The following PRLR variants were observed in gnomAD, a reference collection of about 807,000 sequenced individuals.
The protein encoded by PRLR is hPRL receptor.
A neutral mutation model predicts 40.2 loss-of-function variants in PRLR; 13 were observed. The ratio of observed to expected loss-of-function variants is 0.32; its 90% CI spans 0.21 to 0.51. PRLR has a LOEUF of 0.51. Among genes scored for constraint, PRLR ranks in the 20% least tolerant of loss-of-function variants. The probability of loss-of-function intolerance (pLI) is 0.97; values close to 1 mark genes in which losing one functional copy is unlikely to be tolerated. For synonymous variants in PRLR, 269 were observed against 278.7 expected, an observed-to-expected ratio of 0.97 and a Z score of 0.35; for missense variants, 656 against 747.3, an observed-to-expected ratio of 0.88 and a Z score of 1.42.
In PRLR at chr5:35,068,281, C is replaced by T; in HGVS notation, c.790G>A (p.Val264Met). 2 of 1,610,586 alleles carry T rather than the reference C, an allele frequency of 1.2e-6. No individual in the cohort carries two copies. The highest frequency in any genetic ancestry group is 1.7e-5 in the Admixed American group (1 of 60,010). The change falls in exon 9 of 10, where the codon GTG becomes ATG. Residue 264 changes from valine (V) to methionine (M), a missense_variant. Physicochemically the swap from Val to Met is conservative, Grantham distance 21. Around this residue, in one of 3 missense-constraint regions of PRLR, gnomAD observed 469 missense variants for 491.5 expected, o/e 0.95. Coordinates refer to ENST00000618457, the MANE Select transcript of PRLR (RefSeq NM_000949.7). ...GGAACTGGCGGAAAGATGCAGGTCA[C>T]CATGCTATAAAATAATTCATGAGAT... The part of the protein sequence containing the change: ...WAVALKGYSM[V>M]TCIFPPVPGP...
At position 35,056,620 on chromosome 5, in the gene PRLR, G is replaced by A. The variant is rs1426065155; in HGVS notation, c.*8469C>T. The stretch of plus-strand genomic sequence containing the variant: ...AATATTTAATTTCTGTTTTCTTTCC[G>A]GAAAGTATATTCAATGCTTTTGAAA... On this transcript the variant is annotated 3_prime_UTR_variant, in exon 10 of 10. Coordinates refer to ENST00000618457, the MANE Select transcript of PRLR (RefSeq NM_000949.7). 7 of 152,102 alleles carry A rather than the reference G, an allele frequency of 4.6e-5. No homozygotes were observed. The highest frequency in any genetic ancestry group is 1.7e-4 in the African/African-American group (7 of 41,422). 9.4% of individuals were successfully genotyped at this position (152,102 alleles called of 1,614,324 possible). A position where few individuals can be genotyped will look rare whatever the true frequency, so the allele number is the denominator to read the frequency against.
chr5:35,184,426 A>G (rs1484958651), intron 1 of PRLR, among the ~76,000 whole-genome samples: 1 of 152,168 alleles, frequency 6.6e-6, no homozygotes, highest in Non-Finnish European at 1.5e-5. Flanking sequence ...AGGCAGGAGA[A>G]TTGCTTGATC....
chr5:35,117,942 T>C (rs953361251), intron 2 of PRLR, 119 bp downstream of exon 2: 17 of 403,310 alleles, frequency 4.2e-5, no homozygotes, highest in African/African-American at 8.7e-5. Flanking sequence ...AGTGTAGACA[T>C]TGACTGGTTT....
intron 1 of PRLR, among the ~76,000 whole-genome samples, chr5:35,206,367 C>G (rs960327865): frequency 1.3e-5 from 2 of 151,896 alleles, no homozygotes; most frequent in Non-Finnish European, 2.9e-5. Context: ...TATAAAAAGA[C>G]AATAGTTATG....
At chr5:35,090,937 A>G (rs1219893084) in intron 2 of PRLR, among the ~76,000 whole-genome samples, 4 of 150,864 alleles carry the variant, frequency 2.7e-5, no homozygotes, top group African/African-American at 9.8e-5. Context: ...CGGCCTCCCG[A>G]GTAGCTGGGA....
intron 2 of PRLR, among the ~76,000 whole-genome samples, chr5:35,098,072 C>T (rs994456013): frequency 6.6e-6 from 1 of 152,178 alleles, no homozygotes; most frequent in Non-Finnish European, 1.5e-5. Context: ...CATATTCCTA[C>T]CCACTGTCAT....
rs115242347 is a variant in PRLR, at chr5:35,175,027, C to T, written c.-106+55241G>A. On this transcript the variant is annotated intron_variant, in intron 1 of 9. Coordinates refer to ENST00000618457, the MANE Select transcript of PRLR (RefSeq NM_000949.7). ...TGACTTAGCAAATGAAATTCCCATA[C>T]TTTTAGGTATCAGTTGTCTTGTAGA... Among the ~76,000 whole-genome samples the T allele has an allele frequency of 8.9e-3, 1,356 of 152,258 alleles. 25 individuals carry two copies. The highest frequency in any genetic ancestry group is 0.032 in the African/African-American group (1,312 of 41,554).
In PRLR at chr5:35,151,687, G is replaced by T. The variant is rs149395821; in HGVS notation, c.-105-33565C>A. ...ACCATAGAGCCAAGGCTCCTGAGAG[G>T]GTTCATGTATAGGTGCTTTTGTCAA... On this transcript the variant is annotated intron_variant, in intron 1 of 9. Transcript: ENST00000618457. Among the ~76,000 whole-genome samples the T allele has an allele frequency of 5.6e-3, 848 of 152,292 alleles. 11 individuals carry two copies. Among genetic ancestry groups the T allele is most frequent in the African/African-American group, 0.018 (754 of 41,562 alleles).
chr5:35,221,104 C>T (rs142749260), intron 1 of PRLR, among the ~76,000 whole-genome samples: 1 of 152,282 alleles, frequency 6.6e-6, no homozygotes, highest in South Asian at 2.1e-4. Flanking sequence ...TGTTACACAG[C>T]CTAGTTATTT....
chr5:35,222,136 C>T (rs933854210), intron 1 of PRLR, among the ~76,000 whole-genome samples: 24 of 152,174 alleles, frequency 1.6e-4, no homozygotes, highest in African/African-American at 5.8e-4. Context: ...AACCCCATCT[C>T]TACTAAAAAT....
At chr5:35,208,777 TA>T (rs1341821089) in intron 1 of PRLR, among the ~76,000 whole-genome samples, 4 of 151,732 alleles carry the variant, frequency 2.6e-5, no homozygotes, top group East Asian at 1.9e-4. Context: ...CTATTAATGA[TA>T]AAAAAATTAA....
chr5:35,148,657 C>A (rs1469466657), intron 1 of PRLR, among the ~76,000 whole-genome samples: 1 of 152,150 alleles, frequency 6.6e-6, no homozygotes, highest in African/African-American at 2.4e-5. Flanking sequence ...TGTAGATGAG[C>A]ACCTGGTATG....
At chr5:35,192,551 G>A (rs1775635534) in intron 1 of PRLR, among the ~76,000 whole-genome samples, 1 of 152,242 alleles carries the variant, frequency 6.6e-6, no homozygotes, top group African/African-American at 2.4e-5. Flanking sequence ...TTTGGGAGGT[G>A]TGAGAGTCAC....
intron 1 of PRLR, among the ~76,000 whole-genome samples, chr5:35,123,770 G>C (rs779863610): frequency 5.3e-5 from 8 of 152,158 alleles, no homozygotes; most frequent in African/African-American, 9.7e-5. Flanking sequence ...TAGCTTTATA[G>C]TACATTGACG....
At chr5:35,049,391 C>A (rs1242277439) in exon 9 of PRLR, 1 of 702,856 alleles carries the variant, frequency 1.4e-6, no homozygotes, top group Admixed American at 2.0e-5. Context: ...TGAGAGGCAC[C>A]CAACATCAAG....
rs1202465089 is a variant in PRLR at position 35,153,887 on chromosome 5, C to A, written c.-105-35765G>T. The stretch of plus-strand genomic sequence containing the variant: ...TTGGTCCTGAGAAGGATCCCAACCC[C>A]AAATGTCATCCCAGTTTGCCTTATT... On this transcript the variant is annotated intron_variant, in intron 1 of 9. Transcript: ENST00000618457. Among the ~76,000 whole-genome samples the A allele has an allele frequency of 2.0e-5, 3 of 152,164 alleles. No individual in the cohort carries two copies. In the East Asian group the frequency reaches 5.8e-4, roughly 29 times the overall value.
chr5:35,158,968 T>C (rs561146999), intron 1 of PRLR, among the ~76,000 whole-genome samples: 1 of 152,212 alleles, frequency 6.6e-6, no homozygotes, highest in Non-Finnish European at 1.5e-5. Flanking sequence ...TAATTATATT[T>C]ATTTATAGAT....
intron 2 of PRLR, among the ~76,000 whole-genome samples, chr5:35,114,987 G>A (rs760542074): frequency 6.6e-5 from 10 of 152,266 alleles, no homozygotes; most frequent in Non-Finnish European, 1.3e-4. Context: ...AGAACTCTCT[G>A]CTGGAAGTAC....
rs773233952 is a variant in PRLR, at chr5:35,070,215, T to C, written c.594A>G (p.Pro198=). 1 of 1,614,116 alleles carries C rather than the reference T, an allele frequency of 6.2e-7. No individual in the cohort carries two copies. Among genetic ancestry groups the C allele is most frequent in the South Asian group, 1.1e-5 (1 of 91,080 alleles). The change falls in exon 7 of 10, where the codon CCA becomes CCG. Residue 198 remains proline (P), a synonymous_variant. Transcript: ENST00000618457. ...GAACCTGGACAAGGTATTTCTGTCCTGGATGTAGGCTGAGAATCTTAAACT... is the reference window on the plus strand; with the variant it reads ...GAACCTGGACAAGGTATTTCTGTCCCGGATGTAGGCTGAGAATCTTAAACT... ...QTEFKILSLH[P]GQKYLVQVRC...
Sources: allele counts gnomAD v4.1 joint callset (sites outside exome capture counted in the v4.1 genomes callset), GRCh38; gene constraint gnomAD v4.1.1; regional missense constraint gnomAD v4.1.1; transcripts MANE v1.5; gene names NCBI Gene and HGNC (gene_info 2026-07-23, HGNC 2026-07-21).